LSAMP: variants seen among roughly 807,000 people sequenced by gnomAD.
The protein encoded by LSAMP is limbic system associated membrane protein, also known as limbic system-associated membrane protein.
Under a neutral mutation model 38.6 loss-of-function variants are expected in LSAMP, and 7 were observed. The observed-to-expected ratio is 0.18, with a 90% CI of 0.10 to 0.34. The LOEUF (loss-of-function observed/expected upper bound fraction) is 0.34. LSAMP is among the 10% of genes least tolerant of loss of function. The pLI is 1.00. For synonymous variants in LSAMP, 154 were observed against 166.8 expected, an observed-to-expected ratio of 0.92 and a Z score of 0.59; for missense variants, 313 against 420.0, an observed-to-expected ratio of 0.75 and a Z score of 2.23.
rs1314148049 is a variant in LSAMP at position 116,164,766 on chromosome 3, T to A, written c.156-78210A>T. 2.3e-4 allele frequency among the ~76,000 whole-genome samples: 26 copies of A among 111,612 alleles called. 1 individual carries two copies. Among genetic ancestry groups the A allele is most frequent in the Admixed American group, 4.7e-4 (5 of 10,572 alleles). 73.2% of individuals were successfully genotyped at this position (111,612 alleles called of 152,430 possible). ...TCCATATATATATATATATATTTTT[T>A]TTTTTTTTCAAGTAGCATCTAGCTT... On this transcript the variant is annotated intron_variant, in intron 1 of 6. Transcript: ENST00000490035.
chr3:116,222,720 C>CTTTTTTTTTTTTTTT lies in LSAMP; in HGVS notation c.156-136179_156-136165dup, dbSNP rs71141863. Among the ~76,000 whole-genome samples the CTTTTTTTTTTTTTTT allele has an allele frequency of 1.4e-4, 7 of 49,942 alleles. 1 individual carries two copies. The highest frequency in any genetic ancestry group is 4.3e-4 in the African/African-American group (5 of 11,542). 32.8% of individuals were successfully genotyped at this position (49,942 alleles called of 152,430 possible). A position where few individuals can be genotyped will look rare whatever the true frequency, so the allele number is the denominator to read the frequency against. ...TTTTTTGCTCACCTTTCATCCTCTC[C>CTTTTTTTTTTTTTTT]TTTTTTTTTTTTTTTTTTTTTTTTT... On this transcript the variant is annotated intron_variant, in intron 1 of 6. Coordinates refer to ENST00000490035, the MANE Select transcript of LSAMP (RefSeq NM_002338.5).
intron 1 of LSAMP, among the ~76,000 whole-genome samples, chr3:116,140,767 T>C (rs1709351228): frequency 6.6e-6 from 1 of 151,932 alleles, no homozygotes; most frequent in African/African-American, 2.4e-5. Flanking sequence ...TATTAACTGA[T>C]ACAGATAAAA....
intron 3 of LSAMP, among the ~76,000 whole-genome samples, chr3:115,955,404 C>A (rs539450060): frequency 6.6e-6 from 1 of 152,084 alleles, no homozygotes; most frequent in African/African-American, 2.4e-5. Context: ...CCCAGCAGAC[C>A]GTGTTCACTT....
intron 1 of LSAMP, among the ~76,000 whole-genome samples, chr3:116,244,657 A>C (rs2046581662): frequency 6.6e-6 from 1 of 152,136 alleles, no homozygotes; most frequent in South Asian, 2.1e-4. Context: ...TCTCATCATC[A>C]GATAGTGTTA....
At chr3:116,274,386 G>A (rs940840400) in intron 1 of LSAMP, among the ~76,000 whole-genome samples, 1 of 152,082 alleles carries the variant, frequency 6.6e-6, no homozygotes, top group Non-Finnish European at 1.5e-5. Context: ...TCATAAAACT[G>A]TTCATTTTCT....
At chr3:115,924,125 G>T (rs560727989) in intron 3 of LSAMP, among the ~76,000 whole-genome samples, 11 of 152,220 alleles carry the variant, frequency 7.2e-5, no homozygotes, top group African/African-American at 2.4e-4. Flanking sequence ...AGATACTAAA[G>T]TTTTGAATTT....
chr3:115,925,399 T>C (rs553174877), intron 3 of LSAMP, among the ~76,000 whole-genome samples: 13 of 152,184 alleles, frequency 8.5e-5, no homozygotes, highest in Non-Finnish European at 1.5e-4. Flanking sequence ...AATAATTTTA[T>C]AAGTTAGAAG....
chr3:116,166,915 C>T (rs1710067175), intron 1 of LSAMP, among the ~76,000 whole-genome samples: 1 of 151,420 alleles, frequency 6.6e-6, no homozygotes, highest in African/African-American at 2.4e-5. Context: ...CTCAGCCTCC[C>T]AAGTAGCTAG....
chr3:115,888,555 A>C (rs1936514461), intron 3 of LSAMP, among the ~76,000 whole-genome samples: 1 of 151,796 alleles, frequency 6.6e-6, no homozygotes, highest in African/African-American at 2.4e-5. Flanking sequence ...TTCCAATTAC[A>C]TTTTCAAAAA....
intron 3 of LSAMP, among the ~76,000 whole-genome samples, chr3:115,955,224 G>A (rs184638452): frequency 6.6e-6 from 1 of 152,074 alleles, no homozygotes; most frequent in Admixed American, 6.5e-5. Flanking sequence ...GTGAGCCACC[G>A]CGCCTGGCCA....
At chr3:116,198,461 GA>G (rs1458556979) in intron 1 of LSAMP, among the ~76,000 whole-genome samples, 1 of 152,108 alleles carries the variant, frequency 6.6e-6, no homozygotes, top group Non-Finnish European at 1.5e-5. Flanking sequence ...TTTAGAGAAG[GA>G]AATTTCTATT....
intron 1 of LSAMP, among the ~76,000 whole-genome samples, chr3:116,113,355 T>C (rs974801824): frequency 1.4e-5 from 2 of 146,716 alleles, no homozygotes; most frequent in African/African-American, 5.0e-5. Flanking sequence ...GATAGGCAAA[T>C]GATGTTCGGT....
At chr3:116,303,732 T>TAATC (rs1425348272) in intron 1 of LSAMP, among the ~76,000 whole-genome samples, 1 of 152,196 alleles carries the variant, frequency 6.6e-6, no homozygotes, top group Non-Finnish European at 1.5e-5. Context: ...TGCGAGCGAA[T>TAATC]AATCAGTACG....
At chr3:116,103,115 G>C (rs1210196937) in intron 1 of LSAMP, among the ~76,000 whole-genome samples, 7 of 152,110 alleles carry the variant, frequency 4.6e-5, no homozygotes, top group Admixed American at 3.3e-4. Context: ...GGATTATCTA[G>C]TTTCTTTACT....
chr3:115,848,569 A>G lies in LSAMP; in HGVS notation c.649+3914T>C, dbSNP rs112244707. Among the ~76,000 whole-genome samples the G allele has an allele frequency of 8.8e-3, 1,338 of 152,358 alleles. 19 individuals carry two copies. The highest frequency in any genetic ancestry group is 0.031 in the African/African-American group (1,279 of 41,580). ...CAGTCCCAATTGGGTATTCTGTGGC[A>G]ACCTCTGCTTCCTCTAAATACATGG... On this transcript the variant is annotated intron_variant, in intron 4 of 6. Transcript: ENST00000490035.
chr3:115,884,927 G>A (rs191241304), intron 3 of LSAMP, among the ~76,000 whole-genome samples: 1 of 152,024 alleles, frequency 6.6e-6, no homozygotes, highest in East Asian at 1.9e-4. Flanking sequence ...CTCTTCAAAG[G>A]TCAGGCAAAT....
intron 1 of LSAMP, among the ~76,000 whole-genome samples, chr3:116,202,334 A>T (rs1271402416): frequency 6.6e-6 from 1 of 151,986 alleles, no homozygotes; most frequent in Non-Finnish European, 1.5e-5. Context: ...GGGTTTCACC[A>T]TGTTGGCCAG....
At chr3:116,296,694 C>CAAAAAAAA (rs10659032) in intron 1 of LSAMP, among the ~76,000 whole-genome samples, 9 of 59,728 alleles carry the variant, frequency 1.5e-4, no homozygotes, top group African/African-American at 5.3e-4. Flanking sequence ...GACTCTGTCT[C>CAAAAAAAA]AAAAAAAAAA....
intron 2 of LSAMP, among the ~76,000 whole-genome samples, chr3:116,032,631 A>G (rs1012601102): frequency 5.9e-5 from 9 of 152,046 alleles, no homozygotes; most frequent in Admixed American, 5.9e-4. Context: ...TCTCATCTCT[A>G]TGAAAAATTT....
Sources: allele counts gnomAD v4.1 joint callset (sites outside exome capture counted in the v4.1 genomes callset), GRCh38; gene constraint gnomAD v4.1.1; transcripts MANE v1.5; gene names NCBI Gene and HGNC (gene_info 2026-07-23, HGNC 2026-07-21).